THRB: variants seen among roughly 807,000 people sequenced by gnomAD.
THRB encodes the protein thyroid hormone receptor beta.
THRB carries 12 observed loss-of-function variants against 47.8 expected under a neutral mutation model. The ratio of observed to expected loss-of-function variants is 0.25; its 90% CI spans 0.16 to 0.41. The LOEUF (loss-of-function observed/expected upper bound fraction) is 0.41. Ranked by LOEUF, THRB falls within the 10% of genes least tolerant of loss-of-function variation. The pLI is 1.00. For missense variants in THRB, 348 were observed against 589.2 expected, an observed-to-expected ratio of 0.59 and a Z score of 4.24; for synonymous variants, 218 against 212.2, an observed-to-expected ratio of 1.03 and a Z score of -0.24.
At chr3:24,410,769 A>G (rs948396373) in intron 1 of THRB, among the ~76,000 whole-genome samples, 4 of 151,870 alleles carry the variant, frequency 2.6e-5, no homozygotes, top group African/African-American at 9.7e-5. Flanking sequence ...AGTAAAAGTT[A>G]TTTAAATACC....
At chr3:24,453,800 T>C (rs1437309380) in intron 1 of THRB, among the ~76,000 whole-genome samples, 2 of 152,150 alleles carry the variant, frequency 1.3e-5, no homozygotes, top group Admixed American at 1.3e-4. Context: ...TCTATTCCAC[T>C]GGCCTTCCTG....
At chr3:24,229,069 A>C in intron 3 of THRB, 68 bp from the exon 4 acceptor site, 1 of 981,744 alleles carries the variant, frequency 1.0e-6, no homozygotes, top group Non-Finnish European at 1.6e-6. Context: ...TTTTGTTCCA[A>C]ACAATATCAT....
rs539433503 is a variant in THRB, at chr3:24,161,712, C to T, written c.284-9222G>A. ...TGAAAGCAGATTCAGAAAGCACAGTCCTGTGTGGAGTTTCTGCTTCAGTTA... is the reference window on the plus strand; with the variant it reads ...TGAAAGCAGATTCAGAAAGCACAGTTCTGTGTGGAGTTTCTGCTTCAGTTA... On this transcript the variant is annotated intron_variant, in intron 5 of 10. Coordinates refer to ENST00000646209, the MANE Select transcript of THRB (RefSeq NM_001354712.2). 2.7e-5 allele frequency among the ~76,000 whole-genome samples: 4 copies of T among 150,898 alleles called. No individual in the cohort carries two copies. In the Admixed American group the frequency reaches 2.7e-4, roughly 10 times the overall value.
In THRB at chr3:24,122,512, G is replaced by T. The variant is rs1047329953; in HGVS notation, c.*372C>A. On this transcript the variant is annotated 3_prime_UTR_variant, in exon 11 of 11. Transcript: ENST00000646209. ...GCGAACATCAGGATTGGGTGGAGGTGGTCGTATTATCTTGGTTTTAAGGCT... is the reference window on the plus strand; with the variant it reads ...GCGAACATCAGGATTGGGTGGAGGTTGTCGTATTATCTTGGTTTTAAGGCT... 1 of 334,364 alleles carries T rather than the reference G, an allele frequency of 3.0e-6. No individual in the cohort carries two copies. Among genetic ancestry groups the T allele is most frequent in the Non-Finnish European group, 5.8e-6 (1 of 172,722 alleles). 20.7% of individuals were successfully genotyped at this position (334,364 alleles called of 1,614,324 possible).
intron 5 of THRB, among the ~76,000 whole-genome samples, chr3:24,187,026 A>T (rs1309554650): frequency 2.0e-5 from 3 of 152,226 alleles, no homozygotes; most frequent in South Asian, 2.1e-4. Context: ...AACCCTAAAG[A>T]AACAATATTT....
At chr3:24,398,413 C>T (rs568411816) in intron 1 of THRB, among the ~76,000 whole-genome samples, 37 of 152,248 alleles carry the variant, frequency 2.4e-4, no homozygotes, top group Middle Eastern at 3.4e-3. Context: ...AACAAGTGGG[C>T]GAAGGATATG....
At chr3:24,407,736 C>G (rs1033572536) in intron 1 of THRB, among the ~76,000 whole-genome samples, 2 of 151,798 alleles carry the variant, frequency 1.3e-5, no homozygotes, top group African/African-American at 4.8e-5. Flanking sequence ...AACTTCCTAG[C>G]ATGGTATAGG....
intron 1 of THRB, among the ~76,000 whole-genome samples, chr3:24,397,729 C>G (rs1241067499): frequency 2.6e-5 from 4 of 151,650 alleles, no homozygotes; most frequent in Admixed American, 1.3e-4. Context: ...ATTACAGGCA[C>G]CTGCCACCAC....
intron 4 of THRB, among the ~76,000 whole-genome samples, chr3:24,197,555 C>A (rs540531327): frequency 6.6e-6 from 1 of 152,172 alleles, no homozygotes; most frequent in Admixed American, 6.5e-5. Flanking sequence ...ATCAATGTAT[C>A]CATCTCTTAA....
intron 4 of THRB, among the ~76,000 whole-genome samples, chr3:24,190,967 A>C (rs576869634): frequency 3.9e-5 from 6 of 152,120 alleles, no homozygotes; most frequent in Non-Finnish European, 8.8e-5. Context: ...ATAAGAACCG[A>C]TGAAGGAAAG....
At position 24,247,676 on chromosome 3, in the gene THRB, G is replaced by A. The variant is rs76373030; in HGVS notation, c.-42-18675C>T. Among the ~76,000 whole-genome samples, 734 of 152,248 alleles carry A rather than the reference G, an allele frequency of 4.8e-3. 5 individuals carry two copies. Among genetic ancestry groups the A allele is most frequent in the African/African-American group, 0.017 (706 of 41,542 alleles). ...CATCTCTTTTACAGATGAGGAAGCT[G>A]AGGCTCAGATGTTAAATGTCTAAAG... On this transcript the variant is annotated intron_variant, in intron 3 of 10. Coordinates refer to ENST00000646209, the MANE Select transcript of THRB (RefSeq NM_001354712.2).
chr3:24,395,542 C>T (rs931108306), intron 1 of THRB, among the ~76,000 whole-genome samples: 10 of 151,908 alleles, frequency 6.6e-5, no homozygotes, highest in East Asian at 3.9e-4. Flanking sequence ...TTGCAGTACA[C>T]GCAAATCAAA....
chr3:24,469,808 G>A lies in THRB; in HGVS notation c.-261+24844C>T, dbSNP rs560063951. 5.9e-5 allele frequency among the ~76,000 whole-genome samples: 9 copies of A among 152,308 alleles called. No individual in the cohort carries two copies. The East Asian group carries it at 1.7e-3, about 29-fold the overall frequency. On this transcript the variant is annotated intron_variant, in intron 1 of 10. Coordinates refer to ENST00000646209, the MANE Select transcript of THRB (RefSeq NM_001354712.2). ...GAGTAAAGAATGGAAAACCGTTTGG[G>A]TAACTTATTTTTATACCTGCTTTAA...
At position 24,207,167 on chromosome 3, in the gene THRB, C is replaced by G. The variant is rs867706715; in HGVS notation, c.23-16833G>C. Among the ~76,000 whole-genome samples, 10 of 152,266 alleles carry G rather than the reference C, an allele frequency of 6.6e-5. No individual in the cohort carries two copies. In the Middle Eastern group the frequency reaches 0.027, roughly 414 times the overall value. On this transcript the variant is annotated intron_variant, in intron 4 of 10. Coordinates refer to ENST00000646209, the MANE Select transcript of THRB (RefSeq NM_001354712.2). ...TTATGAAGCCAGCATCATCCTGATA[C>G]CAAAGCCTGGCCGAGACACAACAAA...
intron 3 of THRB, among the ~76,000 whole-genome samples, chr3:24,285,638 C>A (rs566800830): frequency 1.1e-4 from 17 of 152,018 alleles, no homozygotes; most frequent in African/African-American, 3.6e-4. Context: ...TATTTTCTCC[C>A]AAGAATACTG....
At chr3:24,273,277 C>T (rs767864901) in intron 3 of THRB, among the ~76,000 whole-genome samples, 1 of 152,170 alleles carries the variant, frequency 6.6e-6, no homozygotes, top group Non-Finnish European at 1.5e-5. Context: ...ATGTGTCAGG[C>T]ACTCTGGCAC....
chr3:24,205,013 A>G (rs1444349102), intron 4 of THRB, among the ~76,000 whole-genome samples: 2 of 152,238 alleles, frequency 1.3e-5, no homozygotes, highest in Non-Finnish European at 2.9e-5. Flanking sequence ...TGAAAAGACC[A>G]AATCTACATC....
intron 1 of THRB, among the ~76,000 whole-genome samples, chr3:24,477,911 G>A (rs1254957951): frequency 6.7e-6 from 1 of 149,712 alleles, no homozygotes; most frequent in African/African-American, 2.5e-5. Flanking sequence ...TATGTGGACA[G>A]CTACTAGATC....
intron 1 of THRB, among the ~76,000 whole-genome samples, chr3:24,347,577 G>A (rs868074459): frequency 2.0e-5 from 3 of 149,982 alleles, no homozygotes; most frequent in East Asian, 3.9e-4. Flanking sequence ...AAAGAATAAA[G>A]AATTTTTCTT....
Sources: gnomAD v4.1 joint callset for allele counts (sites outside exome capture counted in the v4.1 genomes callset) on GRCh38, gnomAD v4.1.1 for gene constraint, MANE v1.5 for transcripts, NCBI Gene and HGNC (gene_info 2026-07-23, HGNC 2026-07-21) for gene names.